SIPA1L2: variants seen among roughly 807,000 people sequenced by gnomAD.
SIPA1L2 encodes signal induced proliferation associated 1 like 2.
Under a neutral mutation model 163.9 loss-of-function variants are expected in SIPA1L2, and 56 were observed. The observed-to-expected ratio is 0.34, with a 90% confidence interval of 0.28 to 0.43. The LOEUF is 0.43. Among genes scored for constraint, SIPA1L2 ranks in the 20% least tolerant of loss-of-function variants. SIPA1L2 has a pLI of 1.00. For synonymous variants in SIPA1L2, 877 were observed against 865.7 expected (o/e 1.01, Z -0.23); for missense variants, 1,974 against 2,193.5 (o/e 0.90, Z 2.00).
intron 10 of SIPA1L2, among the ~76,000 whole-genome samples, chr1:232,458,204 A>G (rs1475381744): frequency 6.6e-6 from 1 of 152,126 alleles, no homozygotes; most frequent in African/African-American, 2.4e-5. Context: ...CATTAATGAG[A>G]CTCCTAGGAG....
intron 3 of SIPA1L2, among the ~76,000 whole-genome samples, chr1:232,501,073 T>TTTTTTTTTC (rs71173222): frequency 1.5e-5 from 2 of 136,002 alleles, no homozygotes; most frequent in Non-Finnish European, 3.1e-5. Context: ...TTTTTTTTTT[T>TTTTTTTTTC]GTGAGACAGA....
chr1:232,420,943 CAG>C (rs1319296947), intron 18 of SIPA1L2, among the ~76,000 whole-genome samples: 2 of 152,236 alleles, frequency 1.3e-5, no homozygotes, highest in African/African-American at 4.8e-5. Context: ...AAGTTTCTCA[CAG>C]AGTTTTTCCA....
At position 232,514,723 on chromosome 1, in the gene SIPA1L2, T is replaced by A; in HGVS notation, c.617A>T (p.Glu206Val). Reference sequence around the variant, plus strand: ...CCCTCTGAGCATAGCAAAAAAGTTTTCACCAGATAAGCCTTGCCTGTCGAT... The same window carrying A: ...CCCTCTGAGCATAGCAAAAAAGTTTACACCAGATAAGCCTTGCCTGTCGAT... Reference protein sequence around the residue: ...SSIDRQGLSGENFFAMLRGYR... With the variant: ...SSIDRQGLSGVNFFAMLRGYR... Residue 206 changes from glutamate to valine, a missense_variant, in exon 3 of 23, where the codon GAA (glutamate) becomes GTA (valine). Physicochemically the swap from Glu to Val is moderately radical, Grantham distance 121. Around this residue, in one of 3 missense-constraint regions of SIPA1L2, gnomAD observed 607 missense variants for 624.0 expected, o/e 0.97. Transcript: ENST00000674635. The A allele has an allele frequency of 6.2e-7, 1 of 1,614,200 alleles. No homozygotes were observed. Among genetic ancestry groups the A allele is most frequent in the Non-Finnish European group, 8.5e-7 (1 of 1,180,024 alleles).
chr1:232,528,942 A>G (rs1344846677), intron 2 of SIPA1L2, among the ~76,000 whole-genome samples: 1 of 152,116 alleles, frequency 6.6e-6, no homozygotes, highest in African/African-American at 2.4e-5. Context: ...ACCCACTTAG[A>G]CTCACAATCA....
At chr1:232,598,772 GC>G (rs1285230951) in intron 1 of SIPA1L2, among the ~76,000 whole-genome samples, 2 of 151,764 alleles carry the variant, frequency 1.3e-5, no homozygotes, top group African/African-American at 4.8e-5. Context: ...CCTTCCAAAG[GC>G]CCCACCTGTC....
intron 1 of SIPA1L2, among the ~76,000 whole-genome samples, chr1:232,581,462 G>C (rs374747412): frequency 1.3e-5 from 2 of 152,078 alleles, no homozygotes; most frequent in African/African-American, 4.8e-5. Context: ...CAGAGAGAGA[G>C]AGGAAAAAAG....
chr1:232,569,939 C>CAGTTTTCT (rs1436504198), intron 2 of SIPA1L2, among the ~76,000 whole-genome samples: 3 of 152,220 alleles, frequency 2.0e-5, no homozygotes, highest in Non-Finnish European at 4.4e-5. Context: ...AGCCTAGCAC[C>CAGTTTTCT]ATCCCTCCAA....
chr1:232,544,560 C>A (rs1404713904), intron 2 of SIPA1L2, among the ~76,000 whole-genome samples: 16 of 147,774 alleles, frequency 1.1e-4, no homozygotes, highest in South Asian at 2.1e-4. Flanking sequence ...ACTCCTGTCT[C>A]AAAAAAAAAA....
intron 8 of SIPA1L2, among the ~76,000 whole-genome samples, chr1:232,471,055 T>TA (rs1226820644): frequency 6.6e-6 from 1 of 152,198 alleles, no homozygotes; most frequent in Non-Finnish European, 1.5e-5. Context: ...CCACTATACT[T>TA]ACTTCTCCTA....
At chr1:232,560,357 AAAG>A (rs1658959985) in intron 2 of SIPA1L2, among the ~76,000 whole-genome samples, 3 of 152,264 alleles carry the variant, frequency 2.0e-5, no homozygotes, top group East Asian at 3.9e-4. Flanking sequence ...ATATCACCCA[AAAG>A]AAGCTGCTAT....
intron 1 of SIPA1L2, among the ~76,000 whole-genome samples, chr1:232,585,431 T>C (rs1244860696): frequency 1.3e-5 from 2 of 152,132 alleles, no homozygotes; most frequent in Non-Finnish European, 2.9e-5. Flanking sequence ...TAAGCACAGA[T>C]GAAGACCTAC....
intron 1 of SIPA1L2, among the ~76,000 whole-genome samples, chr1:232,601,594 G>A (rs376519828): frequency 2.0e-5 from 3 of 152,192 alleles, no homozygotes; most frequent in African/African-American, 7.2e-5. Context: ...TGTTATGGGT[G>A]AAATTTGGCC....
Position 232,497,578 on chromosome 1 carries a change from A to C in SIPA1L2, c.1484-3918T>G, listed in dbSNP as rs1666261995. Among the ~76,000 whole-genome samples the C allele has an allele frequency of 2.0e-5, 3 of 152,172 alleles. 1 individual carries two copies. The highest frequency in any genetic ancestry group is 7.2e-5 in the African/African-American group (3 of 41,438). ...AGCTCCACTCAAGGTCTTGTTGCCA[A>C]ATTCAACTATCTTCCAGGTCTCCTC... On this transcript the variant is annotated intron_variant, in intron 3 of 22. Coordinates refer to ENST00000674635, the MANE Select transcript of SIPA1L2 (RefSeq NM_020808.5).
At chr1:232,466,190 T>A (rs1353712670) in intron 8 of SIPA1L2, among the ~76,000 whole-genome samples, 1 of 152,128 alleles carries the variant, frequency 6.6e-6, no homozygotes, top group Non-Finnish European at 1.5e-5. Flanking sequence ...TTAGCCCACG[T>A]TAGCTGCATG....
At chr1:232,545,037 C>A (rs529203221) in intron 2 of SIPA1L2, among the ~76,000 whole-genome samples, 1 of 152,270 alleles carries the variant, frequency 6.6e-6, no homozygotes, top group East Asian at 1.9e-4. Context: ...GAGGAAAAAA[C>A]CAGGCAAAGC....
At position 232,480,788 on chromosome 1, in the gene SIPA1L2, C is replaced by CT. The variant is rs1312412180; in HGVS notation, c.1982-1059dup. Among the ~76,000 whole-genome samples the CT allele has an allele frequency of 2.0e-5, 3 of 152,308 alleles. No homozygotes were observed. The East Asian group carries it at 5.8e-4, about 29-fold the overall frequency. On this transcript the variant is annotated intron_variant, in intron 6 of 22. Transcript: ENST00000674635. ...TCCATTGTGTTTGTTGGGGAAACCT[C>CT]TAAGTAGTCATTTTAAGTTAATCTT... is the stretch of plus-strand genomic sequence containing the variant.
intron 1 of SIPA1L2, among the ~76,000 whole-genome samples, chr1:232,620,664 G>A (rs1393555651): frequency 6.6e-6 from 1 of 152,252 alleles, no homozygotes; most frequent in East Asian, 1.9e-4. Flanking sequence ...AAAATTAGCA[G>A]TCAGAGCAAA....
At chr1:232,621,148 A>G (rs1275515947) in intron 1 of SIPA1L2, among the ~76,000 whole-genome samples, 1 of 152,258 alleles carries the variant, frequency 6.6e-6, no homozygotes. Context: ...CCAACAAAGA[A>G]TATATAACCT....
chr1:232,562,729 A>G (rs979816938), intron 2 of SIPA1L2, among the ~76,000 whole-genome samples: 23 of 152,316 alleles, frequency 1.5e-4, no homozygotes, highest in African/African-American at 5.3e-4. Context: ...TCCACTTGAT[A>G]ATCAGATCTG....
Sources: gnomAD v4.1 joint callset for allele counts (sites outside exome capture counted in the v4.1 genomes callset) on GRCh38, gnomAD v4.1.1 for gene constraint, gnomAD v4.1.1 regional missense constraint, MANE v1.5 for transcripts, NCBI Gene and HGNC (gene_info 2026-07-23, HGNC 2026-07-21) for gene names.